TMEM132D: variants seen among roughly 807,000 people sequenced by gnomAD.
TMEM132D encodes the protein transmembrane protein 132D.
In TMEM132D, 21 loss-of-function variants were observed where a neutral mutation model predicts 62.3. That is an observed-to-expected ratio of 0.34 (90% CI 0.24 to 0.49). The LOEUF (loss-of-function observed/expected upper bound fraction) is 0.49. Ranked by LOEUF, TMEM132D falls within the 20% of genes least tolerant of loss-of-function variation. The pLI is 0.99. For missense variants in TMEM132D, 1,346 were observed against 1,402.8 expected, an observed-to-expected ratio of 0.96 and a Z score of 0.65; for synonymous variants, 621 against 575.6, an observed-to-expected ratio of 1.08 and a Z score of -1.13.
chr12:129,466,014 A>T, intron 3 of TMEM132D, among the ~76,000 whole-genome samples: 1 of 152,208 alleles, frequency 6.6e-6, no homozygotes, highest in Non-Finnish European at 1.5e-5. Flanking sequence ...GGAGACATTC[A>T]TAATATCTAC....
chr12:129,394,979 G>A (rs1467611066), intron 3 of TMEM132D, among the ~76,000 whole-genome samples: 3 of 152,164 alleles, frequency 2.0e-5, no homozygotes, highest in Non-Finnish European at 4.4e-5. Flanking sequence ...TTTATGGAAT[G>A]TAAATTATGC....
chr12:129,105,574 AAAAC>A (rs1467926821), intron 5 of TMEM132D, among the ~76,000 whole-genome samples: 1 of 150,312 alleles, frequency 6.7e-6, no homozygotes, highest in African/African-American at 2.5e-5. Flanking sequence ...AAAAAAGAAA[AAAAC>A]AAACAACCCC....
chr12:129,463,339 T>G (rs965331306), intron 3 of TMEM132D, among the ~76,000 whole-genome samples: 3 of 151,994 alleles, frequency 2.0e-5, no homozygotes, highest in African/African-American at 7.2e-5. Context: ...CAATAATCAT[T>G]ATCTTTAAAC....
At chr12:129,737,636 C>G (rs141211940) in intron 1 of TMEM132D, among the ~76,000 whole-genome samples, 2 of 152,176 alleles carry the variant, frequency 1.3e-5, no homozygotes, top group African/African-American at 4.8e-5. Context: ...TCATTTTGCA[C>G]CTGCCTGATT....
At chr12:129,649,854 A>G (rs1879880371) in intron 2 of TMEM132D, among the ~76,000 whole-genome samples, 1 of 146,462 alleles carries the variant, frequency 6.8e-6, no homozygotes. Flanking sequence ...GTATGTTTGT[A>G]TATGTGTATG....
chr12:129,841,155 A>G (rs1056170489), intron 1 of TMEM132D, among the ~76,000 whole-genome samples: 5 of 152,188 alleles, frequency 3.3e-5, no homozygotes. Flanking sequence ...ACCCCTGTGT[A>G]TATACATAAT....
At chr12:129,489,339 A>G (rs983842212) in intron 3 of TMEM132D, among the ~76,000 whole-genome samples, 6 of 152,146 alleles carry the variant, frequency 3.9e-5, no homozygotes, top group African/African-American at 9.7e-5. Context: ...CAAAGAATCT[A>G]TGGGGTCTGG....
At chr12:129,171,450 C>T (rs887780309) in intron 5 of TMEM132D, among the ~76,000 whole-genome samples, 5 of 152,224 alleles carry the variant, frequency 3.3e-5, no homozygotes, top group African/African-American at 1.2e-4. Flanking sequence ...GAGGTCCTCC[C>T]ATGAATCACA....
intron 4 of TMEM132D, among the ~76,000 whole-genome samples, chr12:129,289,538 C>A (rs1180919969): frequency 1.5e-5 from 2 of 132,336 alleles, no homozygotes; most frequent in East Asian, 2.3e-4. Context: ...GAGTGAAATT[C>A]CATCTCAATA....
At chr12:129,338,644 A>G (rs1869368178) in intron 3 of TMEM132D, among the ~76,000 whole-genome samples, 1 of 152,186 alleles carries the variant, frequency 6.6e-6, no homozygotes, top group Admixed American at 6.5e-5. Context: ...TGAACAGAGG[A>G]ATCCGCTGAG....
intron 3 of TMEM132D, among the ~76,000 whole-genome samples, chr12:129,508,522 C>T (rs1875408256): frequency 6.6e-6 from 1 of 152,148 alleles, no homozygotes; most frequent in Non-Finnish European, 1.5e-5. Flanking sequence ...GAACGTATCG[C>T]AGAAGAGAAA....
At chr12:129,829,534 C>T (rs1475827768) in intron 1 of TMEM132D, among the ~76,000 whole-genome samples, 1 of 152,158 alleles carries the variant, frequency 6.6e-6, no homozygotes, top group Non-Finnish European at 1.5e-5. Flanking sequence ...AAACTCAGGG[C>T]CTCCTTGTCT....
intron 2 of TMEM132D, among the ~76,000 whole-genome samples, chr12:129,546,494 A>C (rs1368297825): frequency 3.9e-5 from 6 of 152,244 alleles, no homozygotes; most frequent in African/African-American, 1.4e-4. Context: ...TAACATTGTC[A>C]AGCCCCAGTA....
chr12:129,378,274 C>A (rs114687148), intron 3 of TMEM132D, among the ~76,000 whole-genome samples: 2 of 152,272 alleles, frequency 1.3e-5, no homozygotes, highest in East Asian at 3.9e-4. Context: ...TAGAGGCAGG[C>A]GAGGCCAGCC....
At chr12:129,585,493 G>GTTCCA (rs1398420614) in intron 2 of TMEM132D, among the ~76,000 whole-genome samples, 1 of 152,216 alleles carries the variant, frequency 6.6e-6, no homozygotes, top group Non-Finnish European at 1.5e-5. Context: ...TGGGCCGCGC[G>GTTCCA]TTCCATGCGT....
intron 4 of TMEM132D, among the ~76,000 whole-genome samples, chr12:129,307,972 C>G (rs544351034): frequency 6.6e-6 from 1 of 152,336 alleles, no homozygotes; most frequent in South Asian, 2.1e-4. Flanking sequence ...AGACATTTCT[C>G]TCGAACTCAT....
chr12:129,285,143 G>A (rs1366873135), intron 4 of TMEM132D, among the ~76,000 whole-genome samples: 2 of 152,104 alleles, frequency 1.3e-5, no homozygotes, highest in East Asian at 1.9e-4. Context: ...GAGGGGATGT[G>A]GCCCTTTGTG....
intron 1 of TMEM132D, among the ~76,000 whole-genome samples, chr12:129,850,482 G>A (rs999393453): frequency 7.9e-5 from 12 of 152,332 alleles, no homozygotes; most frequent in South Asian, 2.1e-4. Context: ...CAGCAAAGGC[G>A]ACATCAAGAT....
At chr12:129,841,323 A>G (rs2137344275) in intron 1 of TMEM132D, among the ~76,000 whole-genome samples, 1 of 152,324 alleles carries the variant, frequency 6.6e-6, no homozygotes, top group Non-Finnish European at 1.5e-5. Context: ...AAAAGAAAAA[A>G]AAAAGAAATT....
Sources: gnomAD v4.1 joint callset for allele counts (sites outside exome capture counted in the v4.1 genomes callset) on GRCh38, gnomAD v4.1.1 for gene constraint, MANE v1.5 for transcripts, NCBI Gene and HGNC (gene_info 2026-07-23, HGNC 2026-07-21) for gene names.